Variants in ADAMTS12 observed in about 807,000 individuals in gnomAD.
ADAMTS12 encodes ADAM metallopeptidase with thrombospondin type 1 motif 12, also known as A disintegrin and metalloproteinase with thrombospondin motifs 12.
In ADAMTS12, 118 loss-of-function variants were observed where a neutral mutation model predicts 167.8. The observed-to-expected ratio is 0.70, with a 90% CI of 0.61 to 0.82. ADAMTS12 has a LOEUF of 0.82. Among genes scored for constraint, ADAMTS12 ranks in the 40% least tolerant of loss-of-function variants. The pLI, the probability that ADAMTS12 is intolerant of heterozygous loss-of-function variation, is 0.00. For synonymous variants in ADAMTS12, 704 were observed against 716.9 expected (o/e 0.98, Z 0.29); for missense variants, 1,916 against 1,998.8 (o/e 0.96, Z 0.79).
intron 2 of ADAMTS12, among the ~76,000 whole-genome samples, chr5:33,835,941 CTCTCTCTCTCTCTGTGTGTGTGTG>C (rs781504878): frequency 0.088 from 4,409 of 49,972 alleles, 363 homozygotes; most frequent in African/African-American, 0.19. Flanking sequence ...CTCTCTCTCT[CTCTCTCTCTCTCTGTGTGTGTGTG>C]TGTGTCCATC....
chr5:33,562,059 C>T (rs1745774586), intron 19 of ADAMTS12, among the ~76,000 whole-genome samples: 1 of 152,196 alleles, frequency 6.6e-6, no homozygotes, highest in African/African-American at 2.4e-5. Flanking sequence ...ATATTTGTTA[C>T]AGTAGTGCTC....
At chr5:33,534,721 C>A (rs1329889760) in intron 23 of ADAMTS12, 112 bp downstream of exon 23, 4 of 1,414,234 alleles carry the variant, frequency 2.8e-6, no homozygotes, top group Admixed American at 2.5e-5. Context: ...ACCTCTTTAA[C>A]ATTAAGATTT....
At chr5:33,608,294 T>C (rs367735221) in intron 16 of ADAMTS12, among the ~76,000 whole-genome samples, 24 of 152,284 alleles carry the variant, frequency 1.6e-4, no homozygotes, top group Middle Eastern at 3.4e-3. Flanking sequence ...ACACAAATAT[T>C]ATAATTAAAA....
At chr5:33,663,379 A>C (rs1364661494) in intron 5 of ADAMTS12, among the ~76,000 whole-genome samples, 1 of 152,086 alleles carries the variant, frequency 6.6e-6, no homozygotes, top group Non-Finnish European at 1.5e-5. Context: ...ATCATAAAAA[A>C]CTGGTCAGGT....
At chr5:33,590,886 ATCT>A (rs1439069323) in intron 17 of ADAMTS12, among the ~76,000 whole-genome samples, 79 of 144,662 alleles carry the variant, frequency 5.5e-4, no homozygotes, top group Middle Eastern at 3.7e-3. Context: ...AGTGAAAACC[ATCT>A]TCTTCTTCCT....
chr5:33,529,548 C>CTTATGA (rs1743993178), intron 23 of ADAMTS12, among the ~76,000 whole-genome samples: 1 of 152,110 alleles, frequency 6.6e-6, no homozygotes, highest in African/African-American at 2.4e-5. Flanking sequence ...AGGGAACAGT[C>CTTATGA]AGGAAAAGTA....
intron 12 of ADAMTS12, among the ~76,000 whole-genome samples, chr5:33,632,947 G>T (rs188689040): frequency 3.3e-5 from 5 of 152,124 alleles, no homozygotes; most frequent in African/African-American, 1.2e-4. Context: ...TCACTAAGTC[G>T]CATTTACATA....
intron 2 of ADAMTS12, among the ~76,000 whole-genome samples, chr5:33,779,983 A>G (rs1746062809): frequency 6.6e-6 from 1 of 152,178 alleles, no homozygotes; most frequent in South Asian, 2.1e-4. Context: ...TAGATCTTAC[A>G]TGTTTTTACT....
chr5:33,546,087 C>G lies in ADAMTS12; in HGVS notation c.4418G>C (p.Cys1473Ser). ...STMSCNEHLC[C>S]HWATGNWDLC... ...GTCCCAGTTCCCAGTGGCCCAGTGACAGCACAGGTGCTCATTGCAAGACAT... is the reference window on the plus strand; with the variant it reads ...GTCCCAGTTCCCAGTGGCCCAGTGAGAGCACAGGTGCTCATTGCAAGACAT... Residue 1473 changes from cysteine to serine, a missense_variant, in exon 22 of 24, where the codon TGT (cysteine) becomes TCT (serine). Cys to Ser is a moderately radical substitution (Grantham distance 112). Transcript: ENST00000504830. 1 of 1,613,440 alleles carries G rather than the reference C, an allele frequency of 6.2e-7. No individual in the cohort carries two copies.
chr5:33,847,071 C>G (rs1454885296), intron 2 of ADAMTS12, among the ~76,000 whole-genome samples: 1 of 152,162 alleles, frequency 6.6e-6, no homozygotes, highest in Non-Finnish European at 1.5e-5. Context: ...CAAACAACTT[C>G]GTGGGGGTCT....
chr5:33,825,254 T>C (rs992014336), intron 2 of ADAMTS12, among the ~76,000 whole-genome samples: 3 of 152,190 alleles, frequency 2.0e-5, no homozygotes, highest in African/African-American at 7.2e-5. Context: ...AAATCCCTTA[T>C]ATGTATGAAG....
intron 5 of ADAMTS12, among the ~76,000 whole-genome samples, chr5:33,674,220 G>A (rs551589961): frequency 6.6e-6 from 1 of 152,248 alleles, no homozygotes; most frequent in South Asian, 2.1e-4. Flanking sequence ...CTAGGTGAAT[G>A]GGAGGCTTTG....
At chr5:33,845,465 T>C (rs1053975290) in intron 2 of ADAMTS12, among the ~76,000 whole-genome samples, 25 of 152,212 alleles carry the variant, frequency 1.6e-4, no homozygotes, top group African/African-American at 5.5e-4. Flanking sequence ...ATACTGCCGT[T>C]ATGTATTAAT....
chr5:33,804,114 A>G (rs1561280986), intron 2 of ADAMTS12, among the ~76,000 whole-genome samples: 2 of 152,242 alleles, frequency 1.3e-5, no homozygotes, highest in Non-Finnish European at 2.9e-5. Context: ...GGGATAATGT[A>G]TGTGGGTGAG....
intron 2 of ADAMTS12, among the ~76,000 whole-genome samples, chr5:33,753,611 G>C (rs1247609983): frequency 6.6e-6 from 1 of 152,082 alleles, no homozygotes; most frequent in East Asian, 1.9e-4. Context: ...AACTACAAAA[G>C]ACACCACCAA....
chr5:33,712,627 AAGAT>A (rs113349759), intron 3 of ADAMTS12, among the ~76,000 whole-genome samples: 4,197 of 152,162 alleles, frequency 0.028, 181 homozygotes, highest in African/African-American at 0.095. Flanking sequence ...GACAAGGTAA[AAGAT>A]AGAGACAAGG....
Position 33,539,761 on chromosome 5 carries a change from T to A in ADAMTS12, c.4447-4769A>T, listed in dbSNP as rs575826996. On this transcript the variant is annotated intron_variant, in intron 22 of 23. Transcript: ENST00000504830. Reference sequence around the variant, plus strand: ...AATCAAAAGAAAATGCATGCTATTTTATTTTTATTTTTTTGCTTAAGTATA... The same window carrying A: ...AATCAAAAGAAAATGCATGCTATTTAATTTTTATTTTTTTGCTTAAGTATA... 1.6e-4 allele frequency among the ~76,000 whole-genome samples: 24 copies of A among 152,334 alleles called. No individual in the cohort carries two copies. In the South Asian group the frequency reaches 5.0e-3, roughly 32 times the overall value.
chr5:33,538,524 C>T (rs1166109702), intron 22 of ADAMTS12, among the ~76,000 whole-genome samples: 1 of 152,098 alleles, frequency 6.6e-6, no homozygotes, highest in African/African-American at 2.4e-5. Flanking sequence ...GCTCAGTGCC[C>T]ATATCTGGAC....
chr5:33,817,668 G>A (rs2112497062), intron 2 of ADAMTS12, among the ~76,000 whole-genome samples: 1 of 151,978 alleles, frequency 6.6e-6, no homozygotes, highest in East Asian at 1.9e-4. Flanking sequence ...AATGTCATCA[G>A]AAAATATTTG....
Sources: gnomAD v4.1 joint callset for allele counts (sites outside exome capture counted in the v4.1 genomes callset) on GRCh38, gnomAD v4.1.1 for gene constraint, MANE v1.5 for transcripts, NCBI Gene and HGNC (gene_info 2026-07-23, HGNC 2026-07-21) for gene names.